PDE12: variants seen among roughly 807,000 people sequenced by gnomAD.
The protein encoded by PDE12 is 2',5'-phosphodiesterase 12.
In PDE12, 26 loss-of-function variants were observed where a neutral mutation model predicts 45.4. The observed-to-expected ratio is 0.57, with a 90% CI of 0.42 to 0.79. The LOEUF is 0.79. PDE12 is among the 30% of genes least tolerant of loss of function. The pLI, the probability that PDE12 is intolerant of heterozygous loss-of-function variation, is 0.00. For synonymous variants in PDE12, 283 were observed against 323.9 expected (o/e 0.87, Z 1.36); for missense variants, 668 against 790.0 (o/e 0.85, Z 1.85).
chr3:57,628,039 A>C, the PDE12 span: 2 of 798,340 alleles, frequency 2.5e-6, no homozygotes, highest in African/African-American at 3.5e-5. Flanking sequence ...TCCACTTTAA[A>C]AAGTAATGCA....
rs892035878 is a variant in PDE12 at position 57,564,641 on chromosome 3, T to C, written c.*4637T>C. 1 of 152,138 alleles carries C rather than the reference T, an allele frequency of 6.6e-6. No homozygotes were observed. Among genetic ancestry groups the C allele is most frequent in the Admixed American group, 6.6e-5 (1 of 15,250 alleles). The allele number at this position is 152,138 out of a possible 1,614,324, so 9.4% of individuals were successfully genotyped here. On this transcript the variant is annotated 3_prime_UTR_variant, in exon 3 of 3. Transcript: ENST00000311180. ...AATGGATAGGCTTTATTTAGTTGGC[T>C]TTCTTATACTGGATAATATAAACAC...
chr3:57,624,316 A>G, the PDE12 span, among the ~76,000 whole-genome samples: 1 of 151,858 alleles, frequency 6.6e-6, no homozygotes, highest in Admixed American at 6.6e-5. Flanking sequence ...ACGCCTGGCT[A>G]ATTTTTTGTA....
the PDE12 span, among the ~76,000 whole-genome samples, chr3:57,655,076 C>G: frequency 6.6e-6 from 1 of 151,486 alleles, no homozygotes; most frequent in Non-Finnish European, 1.5e-5. Flanking sequence ...TTCTGTTGCC[C>G]AGGCTGGAGT....
At chr3:57,584,505 C>T in the PDE12 span, 1 of 1,494,726 alleles carries the variant, frequency 6.7e-7, no homozygotes, top group Non-Finnish European at 9.3e-7. Context: ...AGACCAAAAG[C>T]ACACTCCAAG....
the PDE12 span, among the ~76,000 whole-genome samples, chr3:57,610,113 A>C: frequency 6.6e-6 from 1 of 152,178 alleles, no homozygotes. Flanking sequence ...CCAGCATATA[A>C]ACAGAACCAA....
chr3:57,642,935 G>A, the PDE12 span, among the ~76,000 whole-genome samples: 6 of 151,750 alleles, frequency 4.0e-5, no homozygotes, highest in Non-Finnish European at 5.9e-5. Flanking sequence ...GAACCCAGGA[G>A]GTGGAGGTTG....
At chr3:57,591,929 G>GT in the PDE12 span, among the ~76,000 whole-genome samples, 1 of 152,130 alleles carries the variant, frequency 6.6e-6, no homozygotes, top group African/African-American at 2.4e-5. Flanking sequence ...TTACTAATGG[G>GT]TATCAGGTTT....
At chr3:57,592,721 G>A in the PDE12 span, among the ~76,000 whole-genome samples, 8 of 152,154 alleles carry the variant, frequency 5.3e-5, no homozygotes, top group South Asian at 2.1e-4. Context: ...CCAGTGGCAT[G>A]AAACAGGATT....
the PDE12 span, among the ~76,000 whole-genome samples, chr3:57,653,100 AGCT>A: frequency 6.6e-6 from 1 of 152,226 alleles, no homozygotes; most frequent in South Asian, 2.1e-4. Context: ...CCAAGTCGCC[AGCT>A]TACTACCAAA....
rs769770043 is a variant in PDE12 at position 57,559,719 on chromosome 3, A to G, written c.1545A>G (p.Pro515=). Residue 515 remains proline (P), a synonymous_variant, in exon 3 of 3, where the codon CCA becomes CCG. Coordinates refer to ENST00000311180, the MANE Select transcript of PDE12 (RefSeq NM_177966.7). ...MYHFVINGSI[P]EDHEDWASNG... is the part of the protein sequence containing the mutation. The stretch of plus-strand genomic sequence containing the variant: ...ATTTTGTCATCAATGGCAGCATTCC[A>G]GAGGATCATGAAGACTGGGCTTCCA... The G allele has an allele frequency of 4.3e-6, 7 of 1,614,086 alleles. No individual in the cohort carries two copies. The highest frequency in any genetic ancestry group is 1.6e-4 in the Middle Eastern group (1 of 6,084).
At chr3:57,579,732 G>A in the PDE12 span, among the ~76,000 whole-genome samples, 1 of 152,050 alleles carries the variant, frequency 6.6e-6, no homozygotes, top group African/African-American at 2.4e-5. Context: ...ATCTCTGTTG[G>A]AAACCATAAC....
the PDE12 span, among the ~76,000 whole-genome samples, chr3:57,654,113 A>C: frequency 6.7e-6 from 1 of 148,294 alleles, no homozygotes. Context: ...ACGCCCGGCT[A>C]ATTTTTTTTT....
Position 57,556,967 on chromosome 3 carries a change from C to T in PDE12, c.588C>T (p.Arg196=), listed in dbSNP as rs2069669378. Reference sequence around the variant, plus strand: ...GGGATCCCGCCAGCTCCCTTTTCCGCTGGTATAAGGAAGCCAAGCCCGGAG... The same window carrying T: ...GGGATCCCGCCAGCTCCCTTTTCCGTTGGTATAAGGAAGCCAAGCCCGGAG... ...EFGDPASSLF[R]WYKEAKPGAA... Residue 196 remains arginine (R), a synonymous_variant, in exon 1 of 3, where the codon CGC becomes CGT. Transcript: ENST00000311180. This position sits in a 1 kb window ranked among gnomAD's most constrained non-coding sequence, Gnocchi z 5.0. 1 of 1,614,210 alleles carries T rather than the reference C, an allele frequency of 6.2e-7. No individual in the cohort carries two copies. Among genetic ancestry groups the T allele is most frequent in the South Asian group, 1.1e-5 (1 of 91,090 alleles).
chr3:57,561,011 G>C lies in PDE12; in HGVS notation c.*1007G>C. 3 of 977,024 alleles carry C rather than the reference G, an allele frequency of 3.1e-6. No homozygotes were observed. The highest frequency in any genetic ancestry group is 3.6e-6 in the Non-Finnish European group (3 of 821,970). The allele number at this position is 977,024 out of a possible 1,614,324, so 60.5% of individuals were successfully genotyped here. A position where few individuals can be genotyped will look rare whatever the true frequency, so the allele number is the denominator to read the frequency against. On this transcript the variant is annotated 3_prime_UTR_variant, in exon 3 of 3. Coordinates refer to ENST00000311180, the MANE Select transcript of PDE12 (RefSeq NM_177966.7). ...CTTATTTTTAGGATTTTAGTTTTTA[G>C]TGTATGGTACAAATGAACACAGTTT... is the stretch of plus-strand genomic sequence containing the variant.
chr3:57,579,123 A>G, the PDE12 span, among the ~76,000 whole-genome samples: 3 of 151,706 alleles, frequency 2.0e-5, no homozygotes, highest in Non-Finnish European at 4.4e-5. Flanking sequence ...CCCCATCTCT[A>G]CTAAAAATAC....
chr3:57,646,918 A>G, the PDE12 span, among the ~76,000 whole-genome samples: 2 of 152,208 alleles, frequency 1.3e-5, no homozygotes, highest in Non-Finnish European at 2.9e-5. Flanking sequence ...GCTGAACAAG[A>G]GCGAAACTCC....
the PDE12 span, chr3:57,654,672 CTA>C: frequency 1.0e-6 from 1 of 985,122 alleles, no homozygotes; most frequent in Non-Finnish European, 1.2e-6. Context: ...AATGAGGAAA[CTA>C]TTTCTGTGAT....
chr3:57,567,002 T>C (rs1437619560), downstream of PDE12, among the ~76,000 whole-genome samples: 1 of 152,096 alleles, frequency 6.6e-6, no homozygotes, highest in Non-Finnish European at 1.5e-5. Context: ...ACCAAGTACT[T>C]ACATGCCCAA....
chr3:57,614,430 T>G, the PDE12 span, among the ~76,000 whole-genome samples: 1 of 151,978 alleles, frequency 6.6e-6, no homozygotes, highest in South Asian at 2.1e-4. Flanking sequence ...TCCAAGTATT[T>G]GGAAAGTAAC....
Sources: allele counts gnomAD v4.1 joint callset (sites outside exome capture counted in the v4.1 genomes callset), GRCh38; gene constraint gnomAD v4.1.1; non-coding constraint Gnocchi (gnomAD v3.1); transcripts MANE v1.5; gene names NCBI Gene and HGNC (gene_info 2026-07-23, HGNC 2026-07-21).